Variants in RALGAPA2 observed in about 807,000 individuals in gnomAD.
RALGAPA2 encodes Ral GTPase activating protein catalytic subunit alpha 2.
In RALGAPA2, 139 loss-of-function variants were observed where a neutral mutation model predicts 230.4. That is an observed-to-expected ratio of 0.60 (90% CI 0.53 to 0.69). The LOEUF (loss-of-function observed/expected upper bound fraction) is 0.69, where lower values mean the gene tolerates loss of function less well. Ranked by LOEUF, RALGAPA2 falls within the 30% of genes least tolerant of loss-of-function variation. The pLI, the probability that RALGAPA2 is intolerant of heterozygous loss-of-function variation, is 0.00. For missense variants in RALGAPA2, 2,163 were observed against 2,276.0 expected, an observed-to-expected ratio of 0.95 and a Z score of 1.01; for synonymous variants, 847 against 837.8, an observed-to-expected ratio of 1.01 and a Z score of -0.19.
chr20:20,441,496 A>C (rs1380199259), intron 37 of RALGAPA2, among the ~76,000 whole-genome samples: 1 of 152,210 alleles, frequency 6.6e-6, no homozygotes, highest in East Asian at 1.9e-4. Context: ...GAGGCAGGTC[A>C]AGGCAGGACA....
At position 20,426,761 on chromosome 20, in the gene RALGAPA2, C is replaced by T. The variant is rs142468450; in HGVS notation, c.5496-14613G>A. 2.9e-3 allele frequency among the ~76,000 whole-genome samples: 441 copies of T among 152,330 alleles called. 1 individual carries two copies. The highest frequency in any genetic ancestry group is 3.8e-3 in the Admixed American group (58 of 15,300). ...TGTTCTGACAGCCCTTCAGGTGTGG[C>T]GTCTGCAGCAGGTGAATCAGACTAC... On this transcript the variant is annotated intron_variant, in intron 37 of 39. Coordinates refer to ENST00000202677, the MANE Select transcript of RALGAPA2 (RefSeq NM_020343.4).
At chr20:20,513,346 C>G (rs969744881) in intron 31 of RALGAPA2, 62 bp from the exon 32 acceptor site, 16 of 913,364 alleles carry the variant, frequency 1.8e-5, no homozygotes, top group Admixed American at 4.4e-5. Context: ...AACTCAACAC[C>G]TTTTTTTTGG....
At chr20:20,524,656 A>G in intron 29 of RALGAPA2, 113 bp from the exon 30 acceptor site, 2 of 1,397,874 alleles carry the variant, frequency 1.4e-6, no homozygotes, top group Non-Finnish European at 2.0e-6. Context: ...CAGGTGCTAG[A>G]TAAGTAGGTA....
chr20:20,393,912 T>G (rs1456913061), intron 39 of RALGAPA2, among the ~76,000 whole-genome samples: 2 of 152,218 alleles, frequency 1.3e-5, no homozygotes, highest in East Asian at 3.9e-4. Context: ...AAGCCACTGT[T>G]GCGGGTGGAG....
intron 5 of RALGAPA2, among the ~76,000 whole-genome samples, chr20:20,643,162 C>T (rs555527158): frequency 7.2e-5 from 11 of 152,252 alleles, no homozygotes; most frequent in South Asian, 4.2e-4. Flanking sequence ...CATGTGAGCT[C>T]TGAAGCTTAG....
intron 37 of RALGAPA2, among the ~76,000 whole-genome samples, chr20:20,413,080 T>C (rs1396798823): frequency 6.6e-6 from 1 of 152,214 alleles, no homozygotes; most frequent in Non-Finnish European, 1.5e-5. Flanking sequence ...CATTTTCCCC[T>C]TCCTCATTAT....
At chr20:20,601,916 A>G in intron 15 of RALGAPA2, 70 bp from the exon 16 acceptor site, 1 of 1,355,442 alleles carries the variant, frequency 7.4e-7, no homozygotes, top group South Asian at 1.6e-5. Context: ...TGTGTTGCTC[A>G]GCAAATGGTG....
At chr20:20,450,845 T>C (rs912718165) in intron 37 of RALGAPA2, among the ~76,000 whole-genome samples, 1 of 152,238 alleles carries the variant, frequency 6.6e-6, no homozygotes, top group African/African-American at 2.4e-5. Flanking sequence ...ATTTTATCAG[T>C]TACATGCAGA....
chr20:20,412,232 C>T, intron 37 of RALGAPA2, 84 bp from the exon 38 acceptor site: 5 of 1,543,966 alleles, frequency 3.2e-6, no homozygotes, highest in Non-Finnish European at 3.5e-6. Flanking sequence ...TACCGTTGTG[C>T]AATTTTTTCT....
At chr20:20,679,939 T>C (rs1421051327) in intron 2 of RALGAPA2, among the ~76,000 whole-genome samples, 1 of 152,220 alleles carries the variant, frequency 6.6e-6, no homozygotes, top group African/African-American at 2.4e-5. Context: ...GGGATTCAGA[T>C]TCAGCCCACA....
At chr20:20,619,630 T>C (rs2066260356) in intron 11 of RALGAPA2, among the ~76,000 whole-genome samples, 1 of 152,236 alleles carries the variant, frequency 6.6e-6, no homozygotes, top group Non-Finnish European at 1.5e-5. Flanking sequence ...CAGCACTTAG[T>C]ATGTGCTGAA....
intron 23 of RALGAPA2, among the ~76,000 whole-genome samples, chr20:20,550,093 A>G (rs1347752589): frequency 6.6e-6 from 1 of 152,136 alleles, no homozygotes; most frequent in Non-Finnish European, 1.5e-5. Flanking sequence ...CCATCACCCA[A>G]GCAGTAAGCA....
chr20:20,679,953 T>A (rs1342758742), intron 2 of RALGAPA2, among the ~76,000 whole-genome samples: 1 of 152,248 alleles, frequency 6.6e-6, no homozygotes, highest in Non-Finnish European at 1.5e-5. Flanking sequence ...GCCCACAGAC[T>A]ACATGAAAAT....
intron 23 of RALGAPA2, among the ~76,000 whole-genome samples, chr20:20,563,786 C>T (rs1034273243): frequency 1.2e-4 from 19 of 152,082 alleles, no homozygotes; most frequent in African/African-American, 4.6e-4. Flanking sequence ...CCAATCAGTA[C>T]TACATCCTAC....
In RALGAPA2 at chr20:20,591,684, CCACA is replaced by C. The variant is rs148734336; in HGVS notation, c.2204-374_2204-371del. 2.0e-5 allele frequency among the ~76,000 whole-genome samples: 3 copies of C among 147,480 alleles called. No homozygotes were observed. The East Asian group carries it at 5.9e-4, about 29-fold the overall frequency. ...ATGTACATTTGAGAAGAACAGAAAACCACACACACACACACACACACACATACAC... is the reference window on the plus strand; with the variant it reads ...ATGTACATTTGAGAAGAACAGAAAACCACACACACACACACACACATACAC... On this transcript the variant is annotated intron_variant, in intron 16 of 39. Transcript: ENST00000202677.
chr20:20,638,172 G>A (rs1372962066), intron 7 of RALGAPA2, among the ~76,000 whole-genome samples: 1 of 152,202 alleles, frequency 6.6e-6, no homozygotes, highest in East Asian at 1.9e-4. Flanking sequence ...CGCCCCTCAG[G>A]AGCCAGGAGG....
In RALGAPA2 at chr20:20,625,924, C is replaced by T. The variant is rs2066477403; in HGVS notation, c.1233+3439G>A. Reference sequence around the variant, plus strand: ...AGTTACTGTCTATTTCCACCACCCACATTCAACTCACTGAACTACCCAGTC... The same window carrying T: ...AGTTACTGTCTATTTCCACCACCCATATTCAACTCACTGAACTACCCAGTC... On this transcript the variant is annotated intron_variant, in intron 10 of 39. Transcript: ENST00000202677. Among the ~76,000 whole-genome samples, 3 of 152,310 alleles carry T rather than the reference C, an allele frequency of 2.0e-5. No homozygotes were observed. The East Asian group carries it at 5.8e-4, about 29-fold the overall frequency.
rs2067483099 is a variant in RALGAPA2, at chr20:20,653,530, C to T, written c.328G>A (p.Gly110Ser). The change falls in exon 4 of 40, where the codon GGC (glycine) becomes AGC (serine). Residue 110 changes from glycine (G) to serine (S), a missense_variant and splice_region_variant. By Grantham distance (56) the Gly-to-Ser change is moderately conservative (BLOSUM62 0). Coordinates refer to ENST00000202677, the MANE Select transcript of RALGAPA2 (RefSeq NM_020343.4). ...CTAAAAAATTTTTAATTGTTCTTAC[C>T]TATACTCTGGTAATGCCATCGAAAG... ...IFFRWHYQSI[G>S]STLKKLLHTG... The T allele has an allele frequency of 6.8e-7, 1 of 1,480,218 alleles. No individual in the cohort carries two copies. The highest frequency in any genetic ancestry group is 2.5e-5 in the East Asian group (1 of 40,402). The allele number at this position is 1,480,218 out of a possible 1,614,324, so 91.7% of individuals were successfully genotyped here. A position where few individuals can be genotyped will look rare whatever the true frequency, so the allele number is the denominator to read the frequency against.
At chr20:20,678,827 C>T (rs1035595834) in intron 2 of RALGAPA2, among the ~76,000 whole-genome samples, 1 of 152,134 alleles carries the variant, frequency 6.6e-6, no homozygotes, top group African/African-American at 2.4e-5. Flanking sequence ...CTGCTCCTCA[C>T]CTAGAACCTT....
Sources: gnomAD v4.1 joint callset for allele counts (sites outside exome capture counted in the v4.1 genomes callset) on GRCh38, gnomAD v4.1.1 for gene constraint, MANE v1.5 for transcripts, NCBI Gene and HGNC (gene_info 2026-07-23, HGNC 2026-07-21) for gene names.